FHIP2A: variants seen among roughly 807,000 people sequenced by gnomAD.
FHIP2A encodes family with sequence similarity 160 member B1.
A neutral mutation model predicts 93.5 loss-of-function variants in FHIP2A; 46 were observed. The ratio of observed to expected loss-of-function variants is 0.49; its 90% confidence interval spans 0.39 to 0.63. The LOEUF (loss-of-function observed/expected upper bound fraction) is 0.63, where lower values mean the gene tolerates loss of function less well. Ranked by LOEUF, FHIP2A falls within the 20% of genes least tolerant of loss-of-function variation. The pLI, the probability that FHIP2A is intolerant of heterozygous loss-of-function variation, is 0.00. For missense variants in FHIP2A, 769 were observed against 909.7 expected, an observed-to-expected ratio of 0.85 and a Z score of 1.99; for synonymous variants, 332 against 326.5, an observed-to-expected ratio of 1.02 and a Z score of -0.18.
chr10:114,856,253 G>A (rs546872666), intron 14 of FHIP2A, among the ~76,000 whole-genome samples: 190 of 152,088 alleles, frequency 1.2e-3, no homozygotes, highest in African/African-American at 4.0e-3. Flanking sequence ...TTTAGTCAGC[G>A]TTGTTTCTGA....
At chr10:114,875,985 A>C (rs1240692753) in intron 16 of FHIP2A, among the ~76,000 whole-genome samples, 1 of 151,506 alleles carries the variant, frequency 6.6e-6, no homozygotes, top group Non-Finnish European at 1.5e-5. Flanking sequence ...TAAGAGAGAA[A>C]GAAAGAAAGA....
At chr10:114,845,148 A>G (rs756360468) in intron 7 of FHIP2A, among the ~76,000 whole-genome samples, 1 of 152,030 alleles carries the variant, frequency 6.6e-6, no homozygotes, top group South Asian at 2.1e-4. Flanking sequence ...CTCTTCTCCT[A>G]CTTAATACGT....
At chr10:114,835,043 A>G (rs2083628965) in intron 3 of FHIP2A, among the ~76,000 whole-genome samples, 1 of 152,226 alleles carries the variant, frequency 6.6e-6, no homozygotes. Flanking sequence ...ATAAAATCAC[A>G]ACAGTTTACA....
At position 114,847,244 on chromosome 10, in the gene FHIP2A, A is replaced by T. The variant is rs559599768; in HGVS notation, c.1712+11A>T. On this transcript the variant is annotated intron_variant, in intron 12 of 16. Transcript: ENST00000369248. ...TAAAATTGTAAATAGGTGAGTTGCT[A>T]TATAAAATTTGACTTCCATCTCTCT... 1 of 1,591,526 alleles carries T rather than the reference A, an allele frequency of 6.3e-7. No individual in the cohort carries two copies. The highest frequency in any genetic ancestry group is 8.5e-7 in the Non-Finnish European group (1 of 1,173,720).
chr10:114,827,796 CAAAAAAAAA>C (rs1193460267), intron 1 of FHIP2A, among the ~76,000 whole-genome samples: 9 of 84,110 alleles, frequency 1.1e-4, no homozygotes, highest in Admixed American at 2.7e-4. Context: ...GACTCCATCT[CAAAAAAAAA>C]AAAAAAAAAA....
intron 1 of FHIP2A, among the ~76,000 whole-genome samples, chr10:114,827,125 G>A (rs1018521481): frequency 9.9e-5 from 15 of 152,132 alleles, no homozygotes; most frequent in African/African-American, 3.6e-4. Context: ...GGGTATATTG[G>A]ACACAGTCAA....
At chr10:114,831,055 T>G (rs1455858274) in intron 2 of FHIP2A, 125 bp downstream of exon 2, 1 of 572,322 alleles carries the variant, frequency 1.7e-6, no homozygotes, top group Non-Finnish European at 3.0e-6. Context: ...GACAATCTTA[T>G]CTTTGTCTTT....
intron 10 of FHIP2A, 71 bp downstream of exon 10, chr10:114,846,438 A>T (rs1198080627): frequency 4.8e-6 from 7 of 1,464,562 alleles, no homozygotes; most frequent in Non-Finnish European, 6.5e-6. Context: ...TATACTTCAG[A>T]TATTTTCAAT....
chr10:114,895,935 T>A (rs1255375490), intron 16 of FHIP2A, among the ~76,000 whole-genome samples: 1 of 152,246 alleles, frequency 6.6e-6, no homozygotes, highest in Non-Finnish European at 1.5e-5. Flanking sequence ...GCTATCAATT[T>A]ATTCTCATTA....
chr10:114,847,191 C>T lies in FHIP2A; in HGVS notation c.1670C>T (p.Pro557Leu). ...SSSPPATPDH[P>L]KNDGKTEVHK... ...TCACCTCCTGCTACTCCAGACCACC[C>T]CAAAAATGATGGAAAAACTGAAGTT... is the stretch of plus-strand genomic sequence containing the variant. Residue 557 changes from proline to leucine, a missense_variant, in exon 12 of 17, where the codon CCC becomes CTC. Coordinates refer to ENST00000369248, the MANE Select transcript of FHIP2A (RefSeq NM_020940.4). 1 of 1,612,782 alleles carries T rather than the reference C, an allele frequency of 6.2e-7. No individual in the cohort carries two copies. The highest frequency in any genetic ancestry group is 8.5e-7 in the Non-Finnish European group (1 of 1,179,536).
chr10:114,843,260 A>G (rs1173271560), intron 6 of FHIP2A, 34 bp downstream of exon 6: 2 of 1,358,432 alleles, frequency 1.5e-6, no homozygotes, highest in Non-Finnish European at 2.0e-6. Context: ...CCCCCCTAAC[A>G]TTATTTCAAT....
At chr10:114,886,425 A>G (rs1258293997) in intron 16 of FHIP2A, among the ~76,000 whole-genome samples, 1 of 152,168 alleles carries the variant, frequency 6.6e-6, no homozygotes, top group African/African-American at 2.4e-5. Flanking sequence ...TCTGAAAGAA[A>G]AAAAAACAGA....
chr10:114,889,318 C>T (rs1328051612), intron 16 of FHIP2A, among the ~76,000 whole-genome samples: 1 of 152,118 alleles, frequency 6.6e-6, no homozygotes, highest in Non-Finnish European at 1.5e-5. Context: ...CTGCATAATC[C>T]TTAGTAAAAT....
chr10:114,889,304 G>T (rs574617074), intron 16 of FHIP2A, among the ~76,000 whole-genome samples: 4 of 152,162 alleles, frequency 2.6e-5, no homozygotes, highest in African/African-American at 9.7e-5. Flanking sequence ...CTTGTTCTCC[G>T]CCTCTGCATA....
chr10:114,874,328 C>T (rs934887060), intron 16 of FHIP2A, among the ~76,000 whole-genome samples: 2 of 152,180 alleles, frequency 1.3e-5, no homozygotes, highest in African/African-American at 2.4e-5. Flanking sequence ...TACAGCTATA[C>T]ACCTGTGCCC....
downstream of FHIP2A, among the ~76,000 whole-genome samples, chr10:114,867,717 G>C (rs1343084532): frequency 1.3e-5 from 2 of 151,786 alleles, no homozygotes; most frequent in African/African-American, 2.4e-5. Flanking sequence ...GATAGGATGT[G>C]TAGACCTCCA....
chr10:114,834,232 ATTTAC>A (rs1383487287), intron 3 of FHIP2A, among the ~76,000 whole-genome samples: 4 of 152,170 alleles, frequency 2.6e-5, no homozygotes, highest in African/African-American at 9.7e-5. Context: ...TAATACTCTA[ATTTAC>A]TTTTAAGTTA....
intron 13 of FHIP2A, among the ~76,000 whole-genome samples, chr10:114,851,038 C>T (rs1273636078): frequency 2.6e-5 from 4 of 152,112 alleles, no homozygotes; most frequent in African/African-American, 4.8e-5. Flanking sequence ...CTCAGCCTCC[C>T]GAGTAGCTGG....
Position 114,855,264 on chromosome 10 carries a change from G to A in FHIP2A, c.1871G>A (p.Cys624Tyr). ...GGGTCTCCAAAAGCATTGGAAAAGT[G>A]CAATTTAGAAGCTGCTTTCTTTGAA... ...WPGSPKALEK[C>Y]NLEAAFFEGH... Residue 624 changes from cysteine to tyrosine, a missense_variant, in exon 14 of 17, where the codon TGC becomes TAC. Physicochemically the swap from Cys to Tyr is radical, Grantham distance 194. Transcript: ENST00000369248. The A allele has an allele frequency of 2.5e-6, 4 of 1,614,010 alleles. No homozygotes were observed. Among genetic ancestry groups the A allele is most frequent in the Non-Finnish European group, 3.4e-6 (4 of 1,179,928 alleles).
Sources: allele counts gnomAD v4.1 joint callset (sites outside exome capture counted in the v4.1 genomes callset), GRCh38; gene constraint gnomAD v4.1.1; transcripts MANE v1.5; gene names NCBI Gene and HGNC (gene_info 2026-07-23, HGNC 2026-07-21).